FRMD3: variants seen among roughly 807,000 people sequenced by gnomAD.
FRMD3 encodes FERM domain containing 3.
Under a neutral mutation model 70.2 loss-of-function variants are expected in FRMD3, and 33 were observed. The observed-to-expected ratio is 0.47, with a 90% CI of 0.36 to 0.63. FRMD3 has a LOEUF of 0.63. Among genes scored for constraint, FRMD3 ranks in the 20% least tolerant of loss-of-function variants. FRMD3 has a pLI of 0.00. For synonymous variants in FRMD3, 279 were observed against 255.9 expected (o/e 1.09, Z -0.86); for missense variants, 632 against 711.4 (o/e 0.89, Z 1.27).
chr9:83,305,164 A>T (rs191796376), intron 10 of FRMD3, among the ~76,000 whole-genome samples: 2 of 152,224 alleles, frequency 1.3e-5, no homozygotes, highest in East Asian at 3.9e-4. Flanking sequence ...CCAGCAGGAC[A>T]GAGCTAGAAG....
At chr9:83,273,076 C>G (rs1200761592) in intron 13 of FRMD3, among the ~76,000 whole-genome samples, 1 of 151,868 alleles carries the variant, frequency 6.6e-6, no homozygotes, top group Non-Finnish European at 1.5e-5. Flanking sequence ...TGCCCGGCCA[C>G]CCCTTCTGGG....
At chr9:83,415,487 G>A (rs1826406753) in intron 1 of FRMD3, among the ~76,000 whole-genome samples, 1 of 143,508 alleles carries the variant, frequency 7.0e-6, no homozygotes, top group Non-Finnish European at 1.5e-5. Flanking sequence ...CTGTCACCCA[G>A]GCTGGAGTGC....
intron 13 of FRMD3, among the ~76,000 whole-genome samples, chr9:83,277,913 C>T (rs1833844658): frequency 6.6e-6 from 1 of 152,168 alleles, no homozygotes; most frequent in Non-Finnish European, 1.5e-5. Flanking sequence ...AGGTAAAGTC[C>T]TTGCTCTTTT....
At chr9:83,489,733 T>C (rs1052188229) in intron 1 of FRMD3, among the ~76,000 whole-genome samples, 3 of 152,250 alleles carry the variant, frequency 2.0e-5, no homozygotes, top group African/African-American at 7.2e-5. Context: ...TTTAAGATTA[T>C]TCTTTTTGAA....
intron 12 of FRMD3, among the ~76,000 whole-genome samples, chr9:83,294,672 T>C (rs1254419328): frequency 6.6e-6 from 1 of 152,196 alleles, no homozygotes; most frequent in Non-Finnish European, 1.5e-5. Flanking sequence ...AGGGAGCTTA[T>C]GTAATGTGAC....
At chr9:83,424,421 G>A (rs1826742693) in intron 1 of FRMD3, among the ~76,000 whole-genome samples, 1 of 152,178 alleles carries the variant, frequency 6.6e-6, no homozygotes, top group African/African-American at 2.4e-5. Context: ...TACACTATCT[G>A]CAATGGAGAT....
chr9:83,530,622 T>C (rs1186806949), intron 1 of FRMD3, among the ~76,000 whole-genome samples: 2 of 152,088 alleles, frequency 1.3e-5, no homozygotes, highest in African/African-American at 4.8e-5. Context: ...TAAGTGGGCG[T>C]ACTACAAGGA....
intron 1 of FRMD3, among the ~76,000 whole-genome samples, chr9:83,440,466 C>T (rs1827262481): frequency 6.6e-6 from 1 of 152,182 alleles, no homozygotes; most frequent in African/African-American, 2.4e-5. Flanking sequence ...TCCCTAAAGA[C>T]ATGACTCAAT....
intron 1 of FRMD3, among the ~76,000 whole-genome samples, chr9:83,419,464 G>A (rs1826559916): frequency 6.6e-6 from 1 of 151,690 alleles, no homozygotes; most frequent in South Asian, 2.1e-4. Flanking sequence ...GTGTGTGTGT[G>A]TGTGTGTGTT....
chr9:83,527,404 C>A (rs1195835875), intron 1 of FRMD3, among the ~76,000 whole-genome samples: 1 of 152,118 alleles, frequency 6.6e-6, no homozygotes, highest in Non-Finnish European at 1.5e-5. Context: ...GGATGGATTT[C>A]TTTATTTATT....
the FRMD3 span, among the ~76,000 whole-genome samples, chr9:83,585,069 C>T: frequency 1.1e-4 from 17 of 152,260 alleles, no homozygotes; most frequent in African/African-American, 3.9e-4. Flanking sequence ...TGGAGCCTCT[C>T]GGGGAGACTG....
intron 12 of FRMD3, among the ~76,000 whole-genome samples, chr9:83,295,597 C>A (rs1570582): frequency 0.91 from 137,861 of 152,294 alleles, 62,853 homozygotes; most frequent in East Asian, 1. Context: ...TAGATGAGTA[C>A]GCTGATGATC....
chr9:83,446,988 T>TTTTTGTTTTGTTTTG (rs141194581), intron 1 of FRMD3, among the ~76,000 whole-genome samples: 38 of 146,856 alleles, frequency 2.6e-4, no homozygotes, highest in African/African-American at 5.3e-4. Context: ...CAGATCAGGG[T>TTTTTGTTTTGTTTTG]TTTTGTTTTG....
intron 12 of FRMD3, among the ~76,000 whole-genome samples, chr9:83,291,538 T>C (rs1235421830): frequency 6.6e-6 from 1 of 152,108 alleles, no homozygotes; most frequent in Admixed American, 6.5e-5. Flanking sequence ...CCTGGAAGCC[T>C]TCCCAGATTG....
At chr9:83,308,210 T>A (rs935151768) in intron 10 of FRMD3, among the ~76,000 whole-genome samples, 1 of 152,170 alleles carries the variant, frequency 6.6e-6, no homozygotes. Context: ...CCTGGACAAC[T>A]GGTCACCCAA....
At chr9:83,333,803 G>A (rs546737927) in intron 6 of FRMD3, among the ~76,000 whole-genome samples, 18 of 152,172 alleles carry the variant, frequency 1.2e-4, no homozygotes, top group Admixed American at 9.2e-4. Context: ...GTAACCCAAG[G>A]TTCAAGTCCT....
At chr9:83,549,324 T>C in the FRMD3 span, among the ~76,000 whole-genome samples, 2 of 152,208 alleles carry the variant, frequency 1.3e-5, no homozygotes, top group South Asian at 4.1e-4. Context: ...ATGGTGTGTA[T>C]GTTCCACATT....
intron 1 of FRMD3, among the ~76,000 whole-genome samples, chr9:83,437,913 C>G (rs898106534): frequency 5.3e-5 from 8 of 152,120 alleles, no homozygotes; most frequent in Non-Finnish European, 7.3e-5. Flanking sequence ...GCAGGGGGAT[C>G]CTCAAGAGCA....
At chr9:83,447,233 T>C (rs1048291625) in intron 1 of FRMD3, among the ~76,000 whole-genome samples, 2 of 152,096 alleles carry the variant, frequency 1.3e-5, no homozygotes, top group African/African-American at 2.4e-5. Context: ...TCATGTTGGC[T>C]AGGCTGGTCT....
Sources: allele counts gnomAD v4.1 joint callset (sites outside exome capture counted in the v4.1 genomes callset), GRCh38; gene constraint gnomAD v4.1.1; transcripts MANE v1.5; gene names NCBI Gene and HGNC (gene_info 2026-07-23, HGNC 2026-07-21).